The following GSG1 variants were observed in gnomAD, a reference collection of about 807,000 sequenced individuals.
The protein encoded by GSG1 is germ cell-specific gene 1 protein.
A neutral mutation model predicts 30.8 loss-of-function variants in GSG1; 28 were observed. The observed-to-expected ratio is 0.91, with a 90% CI of 0.67 to 1.25. GSG1 has a LOEUF of 1.25. GSG1 is among the 50% of genes most tolerant of loss of function. The pLI is 0.00. For synonymous variants in GSG1, 162 were observed against 178.0 expected, an observed-to-expected ratio of 0.91 and a Z score of 0.71; for missense variants, 435 against 444.7, an observed-to-expected ratio of 0.98 and a Z score of 0.20.
intron 5 of GSG1, 88 bp from the exon 6 acceptor site, chr12:13,087,351 G>T: frequency 1.1e-6 from 1 of 936,014 alleles, no homozygotes; most frequent in Non-Finnish European, 1.7e-6. Context: ...CCTTCTTGCA[G>T]TCAGGCGCAG....
rs1158769973 is a variant in GSG1, at chr12:13,084,943, C to G, written c.1047G>C (p.Leu349=). ...KGFQRGASQE[L]KEAVRSSVEE... Reference sequence around the variant, plus strand: ...CTACAGATGACCTAACTGCTTCTTTCAGCTCCTGGCTGGCCCCTCTTTGAA... The same window carrying G: ...CTACAGATGACCTAACTGCTTCTTTGAGCTCCTGGCTGGCCCCTCTTTGAA... The change falls in exon 7 of 7, where the codon CTG becomes CTC. Residue 349 remains leucine (L), a synonymous_variant. Transcript: ENST00000651961. The G allele has an allele frequency of 6.4e-7, 1 of 1,551,702 alleles. No individual in the cohort carries two copies. Among genetic ancestry groups the G allele is most frequent in the East Asian group, 2.4e-5 (1 of 40,926 alleles).
chr12:13,095,074 A>C (rs1050666913), intron 1 of GSG1, among the ~76,000 whole-genome samples: 1 of 152,246 alleles, frequency 6.6e-6, no homozygotes, highest in African/African-American at 2.4e-5. Flanking sequence ...AGGGAGAGAC[A>C]CAAGGAACCT....
chr12:13,087,984 G>GT lies in GSG1; in HGVS notation c.556dup (p.Thr186AsnfsTer96), dbSNP rs1323982069. On this transcript the variant is annotated frameshift_variant, in exon 5 of 7. Coordinates refer to ENST00000651961, the MANE Select transcript of GSG1 (RefSeq NM_001080555.4). LOFTEE classifies it high-confidence loss of function. ...AGGGTTCCCAGTGAGTAGCAAGTCT[G>GT]TTAGTAGCAGGAGGAAGCTGATGAA... 1 of 1,614,152 alleles carries GT rather than the reference G, an allele frequency of 6.2e-7. No individual in the cohort carries two copies. The highest frequency in any genetic ancestry group is 8.5e-7 in the Non-Finnish European group (1 of 1,180,040).
rs201128160 is a variant in GSG1 at position 13,090,788 on chromosome 12, G to A, written c.79C>T (p.Arg27Trp). The A allele has an allele frequency of 1.3e-5, 21 of 1,613,436 alleles. No individual in the cohort carries two copies. In the Admixed American group the frequency reaches 1.3e-4, roughly 10 times the overall value. The change falls in exon 2 of 7, where the codon CGG becomes TGG. Residue 27 changes from arginine to tryptophan, a missense_variant. By Grantham distance (101) the Arg-to-Trp change is moderately radical. Transcript: ENST00000651961. ...CTGAGGATGGCAGATAGGAGTGTCC[G>A]CTGGCCAGAGAAGGCCTTCGAGAGC... Reference protein sequence around the residue: ...MELSKAFSGQRTLLSAILSML... With the variant: ...MELSKAFSGQWTLLSAILSML...
At chr12:13,092,872 A>C (rs1415392083) in intron 1 of GSG1, among the ~76,000 whole-genome samples, 2 of 151,116 alleles carry the variant, frequency 1.3e-5, no homozygotes, top group Non-Finnish European at 1.5e-5. Context: ...GCTCACTGCA[A>C]CCTCCAGTTC....
At chr12:13,102,783 T>C (rs1220613687) in intron 1 of GSG1, among the ~76,000 whole-genome samples, 1 of 152,274 alleles carries the variant, frequency 6.6e-6, no homozygotes, top group Non-Finnish European at 1.5e-5. Flanking sequence ...CCATTTGTTT[T>C]TTTAAGTAAT....
At chr12:13,095,120 T>A (rs1866550037) in intron 1 of GSG1, among the ~76,000 whole-genome samples, 1 of 152,218 alleles carries the variant, frequency 6.6e-6, no homozygotes, top group Non-Finnish European at 1.5e-5. Flanking sequence ...CGAATGATCA[T>A]CTCATTCAAG....
chr12:13,086,229 A>G (rs1255368392), intron 6 of GSG1, among the ~76,000 whole-genome samples: 2 of 152,252 alleles, frequency 1.3e-5, no homozygotes, highest in Non-Finnish European at 2.9e-5. Flanking sequence ...GTTAATGCCA[A>G]GAATGGCCTG....
intron 1 of GSG1, among the ~76,000 whole-genome samples, chr12:13,092,937 G>A (rs1230032907): frequency 1.3e-5 from 2 of 151,564 alleles, no homozygotes; most frequent in African/African-American, 4.8e-5. Flanking sequence ...GATTACAGGC[G>A]CCTGCCACCA....
At position 13,089,253 on chromosome 12, in the gene GSG1, T is replaced by G. The variant is rs1015209746; in HGVS notation, c.388A>C (p.Lys130Gln). ...EPALLHPQSW[K>Q]QFRALRSSGT... ...CTGGACCGAAGGGCTCTAAATTGTT[T>G]CCAGGACTGGGGATGGAGCAGTGCT... The change falls in exon 3 of 7, where the codon AAA becomes CAA. Residue 130 changes from lysine (K) to glutamine (Q), a missense_variant. By Grantham distance (53) the Lys-to-Gln change is moderately conservative. Coordinates refer to ENST00000651961, the MANE Select transcript of GSG1 (RefSeq NM_001080555.4). 1 of 1,557,764 alleles carries G rather than the reference T, an allele frequency of 6.4e-7. No individual in the cohort carries two copies. The highest frequency in any genetic ancestry group is 8.7e-7 in the Non-Finnish European group (1 of 1,150,308).
intron 5 of GSG1, 77 bp from the exon 6 acceptor site, chr12:13,087,340 C>A (rs1032025574): frequency 1.8e-6 from 2 of 1,103,394 alleles, no homozygotes; most frequent in Non-Finnish European, 2.8e-6. Context: ...TTTTGGATCA[C>A]CCTTCTTGCA....
At chr12:13,088,676 G>T (rs1865786685) in intron 4 of GSG1, 186 bp downstream of exon 4, 1 of 1,471,522 alleles carries the variant, frequency 6.8e-7, no homozygotes, top group Non-Finnish European at 9.3e-7. Flanking sequence ...TCACAGTGCA[G>T]TTTAGATCCG....
intron 1 of GSG1, among the ~76,000 whole-genome samples, chr12:13,100,499 G>C (rs1473394971): frequency 6.6e-6 from 1 of 152,224 alleles, no homozygotes; most frequent in African/African-American, 2.4e-5. Flanking sequence ...AGTGCACAGA[G>C]ATCAGGAGAC....
At chr12:13,089,824 GC>G (rs1555124996) in intron 2 of GSG1, among the ~76,000 whole-genome samples, 1 of 152,200 alleles carries the variant, frequency 6.6e-6, no homozygotes, top group Non-Finnish European at 1.5e-5. Flanking sequence ...GCCGAGGTGG[GC>G]AGATCACCTG....
intron 4 of GSG1, among the ~76,000 whole-genome samples, chr12:13,088,449 AAAT>A (rs1178928589): frequency 6.6e-6 from 1 of 152,164 alleles, no homozygotes; most frequent in Non-Finnish European, 1.5e-5. Flanking sequence ...TCATTTTACC[AAAT>A]AATAATAATA....
chr12:13,089,118 CAGA>C (rs1865841532), intron 3 of GSG1, 87 bp downstream of exon 3: 1 of 1,375,946 alleles, frequency 7.3e-7, no homozygotes, highest in Non-Finnish European at 1.0e-6. Context: ...TCTGATAATG[CAGA>C]AGATGTTTCC....
chr12:13,098,184 C>A (rs536477436), intron 1 of GSG1, among the ~76,000 whole-genome samples: 1 of 150,758 alleles, frequency 6.6e-6, no homozygotes, highest in South Asian at 2.1e-4. Flanking sequence ...GGTTTCCTGG[C>A]TAGTAGTTTC....
rs1055367430 is a variant in GSG1 at position 13,085,210 on chromosome 12, C to T, written c.780G>A (p.Ala260=). 20 of 1,610,038 alleles carry T rather than the reference C, an allele frequency of 1.2e-5. No homozygotes were observed. Among genetic ancestry groups the T allele is most frequent in the Non-Finnish European group, 1.4e-5 (16 of 1,177,176 alleles). ...MAWLSFTCCM[A]SAVTTFNTYT... ...ACGTGTTGAAGGTGGTGACAGCCGA[C>T]GCCATGCAGCAGGTGAAGGAGAGCC... Residue 260 remains alanine (A), a synonymous_variant, in exon 7 of 7, where the codon GCG becomes GCA. Transcript: ENST00000651961.
intron 1 of GSG1, among the ~76,000 whole-genome samples, chr12:13,096,238 C>G (rs1231860079): frequency 1.3e-5 from 2 of 152,004 alleles, no homozygotes; most frequent in Non-Finnish European, 2.9e-5. Flanking sequence ...CTTTGGGAGG[C>G]CTAGGTGGGC....
Sources: gnomAD v4.1 joint callset for allele counts (sites outside exome capture counted in the v4.1 genomes callset) on GRCh38, gnomAD v4.1.1 for gene constraint, MANE v1.5 for transcripts, NCBI Gene and HGNC (gene_info 2026-07-23, HGNC 2026-07-21) for gene names.